The following VIPAS39 variants were observed in gnomAD, a reference collection of about 807,000 sequenced individuals.
VIPAS39 encodes the protein spermatogenesis-defective protein 39 homolog.
VIPAS39 carries 63 observed loss-of-function variants against 84.7 expected under a neutral mutation model. The ratio of observed to expected loss-of-function variants is 0.74; its 90% CI spans 0.61 to 0.92. VIPAS39 has a LOEUF of 0.92. Among genes scored for constraint, VIPAS39 ranks in the 40% least tolerant of loss-of-function variants. The pLI, the probability that VIPAS39 is intolerant of heterozygous loss-of-function variation, is 0.00. For missense variants in VIPAS39, 499 were observed against 604.5 expected, an observed-to-expected ratio of 0.83 and a Z score of 1.83; for synonymous variants, 192 against 216.5, an observed-to-expected ratio of 0.89 and a Z score of 0.99.
chr14:77,436,603 C>T (rs1390180722), intron 12 of VIPAS39, among the ~76,000 whole-genome samples: 1 of 152,074 alleles, frequency 6.6e-6, no homozygotes, highest in Admixed American at 6.6e-5. Context: ...TGCTGCCACG[C>T]CCAGCTTATT....
At chr14:77,440,466 C>A (rs761966164) in intron 11 of VIPAS39, 23 of 157,044 alleles carry the variant, frequency 1.5e-4, no homozygotes, top group Non-Finnish European at 2.5e-4. Context: ...TTGTGAGAAG[C>A]CAAAACCCCA....
intron 9 of VIPAS39, 64 bp downstream of exon 9, chr14:77,443,055 G>T: frequency 6.3e-7 from 1 of 1,598,544 alleles, no homozygotes; most frequent in Non-Finnish European, 8.6e-7. Context: ...AAGGCACATG[G>T]CATTCTCCCC....
intron 1 of VIPAS39, among the ~76,000 whole-genome samples, chr14:77,456,644 C>G (rs1157181847): frequency 6.6e-6 from 1 of 152,228 alleles, no homozygotes; most frequent in Non-Finnish European, 1.5e-5. Context: ...GTCCTTCTAC[C>G]TATTTTTCAC....
In VIPAS39 at chr14:77,443,146, T is replaced by A; in HGVS notation, c.604A>T (p.Ile202Phe). ...TTGCTCAGTGTCCTCTTCAGGAAAA[T>A]CAGAACCTACAGGAAAAAAGAACAA... Reference protein sequence around the residue: ...HDGNVITAVLIFLKRTLSKEI... With the variant: ...HDGNVITAVLFFLKRTLSKEI... Residue 202 changes from isoleucine (I) to phenylalanine (F), a missense_variant, in exon 9 of 20, where the codon ATT (isoleucine) becomes TTT (phenylalanine). Coordinates refer to ENST00000557658, the MANE Select transcript of VIPAS39 (RefSeq NM_001193315.2). The A allele has an allele frequency of 6.2e-7, 1 of 1,614,054 alleles. No homozygotes were observed. The highest frequency in any genetic ancestry group is 8.5e-7 in the Non-Finnish European group (1 of 1,180,020).
intron 8 of VIPAS39, among the ~76,000 whole-genome samples, chr14:77,443,731 C>T (rs2078739241): frequency 6.6e-6 from 1 of 151,844 alleles, no homozygotes; most frequent in South Asian, 2.1e-4. Context: ...CCCATATCTA[C>T]TAAAAATACA....
At position 77,448,549 on chromosome 14, in the gene VIPAS39, T is replaced by A; in HGVS notation, c.449A>T (p.Asp150Val). ...ELGRPKGEYRDYSNDWSPSDT... is the reference protein window; with the variant it reads ...ELGRPKGEYRVYSNDWSPSDT... ...ACTGGGGCTCCAGTCATTGCTGTAA[T>A]CCTGGAATATTAGCAATACGTGAAT... Residue 150 changes from aspartate to valine, a missense_variant and splice_region_variant, in exon 7 of 20, where the codon GAT becomes GTT. Coordinates refer to ENST00000557658, the MANE Select transcript of VIPAS39 (RefSeq NM_001193315.2). The A allele has an allele frequency of 6.2e-7, 1 of 1,614,150 alleles. No individual in the cohort carries two copies. The highest frequency in any genetic ancestry group is 8.5e-7 in the Non-Finnish European group (1 of 1,180,006).
chr14:77,451,197 G>A lies in VIPAS39; in HGVS notation c.333C>T (p.Ser111=). ...AGCATCTCTCTTTACCTCTAAAAAA[G>A]CTGCTCAGGGAGTAGGTAGAAGTAG... ...PKPTSTYSLS[S]FFRGRTRPGS... The change falls in exon 4 of 20, where the codon AGC becomes AGT. Residue 111 remains serine (S), a synonymous_variant. Coordinates refer to ENST00000557658, the MANE Select transcript of VIPAS39 (RefSeq NM_001193315.2). 1 of 1,614,214 alleles carries A rather than the reference G, an allele frequency of 6.2e-7. No individual in the cohort carries two copies. The highest frequency in any genetic ancestry group is 8.5e-7 in the Non-Finnish European group (1 of 1,180,040).
intron 16 of VIPAS39, 148 bp downstream of exon 16, chr14:77,433,694 A>G: frequency 1.6e-6 from 1 of 641,558 alleles, no homozygotes; most frequent in Non-Finnish European, 2.7e-6. Context: ...TATGAACTAT[A>G]AAATTCATTC....
chr14:77,448,552 T>C lies in VIPAS39; in HGVS notation c.448-2A>G. On this transcript the variant is annotated splice_acceptor_variant, in intron 6 of 19. Transcript: ENST00000557658. LOFTEE classifies it high-confidence loss of function. ...GGGGCTCCAGTCATTGCTGTAATCC[T>C]GGAATATTAGCAATACGTGAATCCC... 1 of 1,614,092 alleles carries C rather than the reference T, an allele frequency of 6.2e-7. No homozygotes were observed. The highest frequency in any genetic ancestry group is 8.5e-7 in the Non-Finnish European group (1 of 1,179,940).
intron 17 of VIPAS39, among the ~76,000 whole-genome samples, chr14:77,429,355 G>C (rs958139187): frequency 6.6e-6 from 1 of 152,314 alleles, no homozygotes; most frequent in Non-Finnish European, 1.5e-5. Flanking sequence ...GAGTGCTCTA[G>C]CTGTGATCCA....
At chr14:77,435,432 A>C in intron 13 of VIPAS39, 39 bp from the exon 14 acceptor site, 3 of 1,588,664 alleles carry the variant, frequency 1.9e-6, no homozygotes, top group Non-Finnish European at 1.7e-6. Flanking sequence ...AAAAAAAACA[A>C]TGTCCATGGA....
chr14:77,428,606 G>C, intron 18 of VIPAS39, 132 bp from the exon 19 acceptor site: 1 of 760,540 alleles, frequency 1.3e-6, no homozygotes, highest in Non-Finnish European at 2.3e-6. Context: ...GGAACTACTG[G>C]TGTGTGCTAC....
Position 77,433,966 on chromosome 14 carries a change from G to C in VIPAS39, c.1090-35C>G, listed in dbSNP as rs78546415. 213 of 1,595,440 alleles carry C rather than the reference G, an allele frequency of 1.3e-4. No individual in the cohort carries two copies. In the African/African-American group the frequency reaches 2.5e-3, roughly 19 times the overall value. ...AGAGACCGAGAAAAATTAAGGGGAA[G>C]TAGAAATACATCAATGGGGGTGCTT... is the stretch of plus-strand genomic sequence containing the variant. On this transcript the variant is annotated intron_variant, in intron 15 of 19. Transcript: ENST00000557658.
chr14:77,440,046 C>T (rs4369582), intron 11 of VIPAS39, among the ~76,000 whole-genome samples: 66,393 of 151,854 alleles, frequency 0.44, 16,917 homozygotes, highest in East Asian at 0.93. Context: ...CCATGCTTTG[C>T]TAATTTTTTA....
At chr14:77,443,506 T>C (rs922258077) in intron 8 of VIPAS39, among the ~76,000 whole-genome samples, 2 of 152,102 alleles carry the variant, frequency 1.3e-5, no homozygotes, top group Admixed American at 6.6e-5. Flanking sequence ...TCCAACACTT[T>C]GGGAGGCTAA....
chr14:77,453,179 C>G, intron 3 of VIPAS39, 120 bp downstream of exon 3: 2 of 1,063,354 alleles, frequency 1.9e-6, no homozygotes, highest in Non-Finnish European at 2.9e-6. Context: ...GTATGCTTAT[C>G]TGAAAATAGT....
rs777087804 is a variant in VIPAS39 at position 77,451,227 on chromosome 14, G to C, written c.303C>G (p.Pro101=). The change falls in exon 4 of 20, where the codon CCC becomes CCG. Residue 101 remains proline, a synonymous_variant. Coordinates refer to ENST00000557658, the MANE Select transcript of VIPAS39 (RefSeq NM_001193315.2). ...RNSFSSYAQL[P]KPTSTYSLSS... is the part of the protein sequence containing the mutation. ...TCAGGGAGTAGGTAGAAGTAGGCTT[G>C]GGTAGTTGTGCATAGGAGGAGAAGC... 1 of 1,614,102 alleles carries C rather than the reference G, an allele frequency of 6.2e-7. No homozygotes were observed. The highest frequency in any genetic ancestry group is 8.5e-7 in the Non-Finnish European group (1 of 1,180,054).
chr14:77,428,898 T>G (rs532552265), intron 18 of VIPAS39, 108 bp downstream of exon 18: 1 of 1,009,380 alleles, frequency 9.9e-7, no homozygotes, highest in African/African-American at 1.6e-5. Context: ...GTCCATTCAG[T>G]CAAACCTGGT....
chr14:77,427,506 G>C lies in VIPAS39; in HGVS notation c.*110C>G. The C allele has an allele frequency of 7.3e-7, 1 of 1,362,220 alleles. No homozygotes were observed. The highest frequency in any genetic ancestry group is 1.4e-5 in the African/African-American group (1 of 69,854). The allele number at this position is 1,362,220 out of a possible 1,614,324, so 84.4% of individuals were successfully genotyped here. A position where few individuals can be genotyped will look rare whatever the true frequency, so the allele number is the denominator to read the frequency against. ...CAAGAGTAGCTGGCACTGCCCATGG[G>C]TAATGGGCCCAAGCGATGTGATGCC... is the stretch of plus-strand genomic sequence containing the variant. On this transcript the variant is annotated 3_prime_UTR_variant, in exon 20 of 20. Transcript: ENST00000557658.
Sources: gnomAD v4.1 joint callset for allele counts (sites outside exome capture counted in the v4.1 genomes callset) on GRCh38, gnomAD v4.1.1 for gene constraint, MANE v1.5 for transcripts, NCBI Gene and HGNC (gene_info 2026-07-23, HGNC 2026-07-21) for gene names.